TEP1: variants seen among roughly 807,000 people sequenced by gnomAD.
The protein encoded by TEP1 is telomerase associated protein 1.
In TEP1, 241 loss-of-function variants were observed where a neutral mutation model predicts 306.3. The ratio of observed to expected loss-of-function variants is 0.79; its 90% CI spans 0.71 to 0.88. The LOEUF is 0.88. Ranked by LOEUF, TEP1 falls within the 40% of genes least tolerant of loss-of-function variation. The pLI, the probability that TEP1 is intolerant of heterozygous loss-of-function variation, is 0.00. For missense variants in TEP1, 3,051 were observed against 3,276.1 expected, an observed-to-expected ratio of 0.93 and a Z score of 1.68; for synonymous variants, 1,289 against 1,305.5, an observed-to-expected ratio of 0.99 and a Z score of 0.27.
chr14:20,372,443 T>C (rs1185980783), intron 49 of TEP1, among the ~76,000 whole-genome samples: 1 of 151,712 alleles, frequency 6.6e-6, no homozygotes, highest in Admixed American at 6.6e-5. Context: ...TCAGTCTGAA[T>C]AGTGCTGCTG....
intron 18 of TEP1, among the ~76,000 whole-genome samples, chr14:20,387,551 C>CAAAAAAAAAAAAAAAAAAAA (rs34816712): frequency 1.1e-4 from 14 of 127,674 alleles, no homozygotes; most frequent in South Asian, 5.6e-4. Flanking sequence ...GACTCCGTCT[C>CAAAAAAAAAAAAAAAAAAAA]AAAAAAAAAA....
chr14:20,383,877 C>A lies in TEP1; in HGVS notation c.3576G>T (p.Lys1192Asn). The stretch of plus-strand genomic sequence containing the variant: ...AGTGGAAGAAGACTAATGATGCCAC[C>A]TTGGCCCCATCAGGAGCCTGCAGGG... ...VSALQAPDGAKVASLVFFHFS... is the reference protein window; with the variant it reads ...VSALQAPDGANVASLVFFHFS... Residue 1192 changes from lysine to asparagine, a missense_variant, in exon 25 of 55, where the codon AAG becomes AAT. This residue lies in a region of TEP1 where 1,507 missense variants were observed against 1,550.5 expected (regional missense o/e 0.97). Coordinates refer to ENST00000262715, the MANE Select transcript of TEP1 (RefSeq NM_007110.5). 2 of 1,601,814 alleles carry A rather than the reference C, an allele frequency of 1.2e-6. No individual in the cohort carries two copies. Among genetic ancestry groups the A allele is most frequent in the Non-Finnish European group, 8.5e-7 (1 of 1,179,060 alleles).
Position 20,400,761 on chromosome 14 carries a change from C to T in TEP1, c.1549+223G>A, listed in dbSNP as rs564448862. On this transcript the variant is annotated intron_variant, in intron 9 of 54. Coordinates refer to ENST00000262715, the MANE Select transcript of TEP1 (RefSeq NM_007110.5). ...CATATGTTGATAAAAACTTGTACAT[C>T]ACCTAACTACATCTGGTATAATGAT... 5.5e-6 allele frequency: 3 copies of T among 541,272 alleles called. No homozygotes were observed. In the African/African-American group the frequency reaches 5.7e-5, roughly 10 times the overall value. The allele number at this position is 541,272 out of a possible 1,614,324, so 33.5% of individuals were successfully genotyped here. A position where few individuals can be genotyped will look rare whatever the true frequency, so the allele number is the denominator to read the frequency against.
intron 17 of TEP1, among the ~76,000 whole-genome samples, 175 bp downstream of exon 17, chr14:20,389,063 G>A (rs1189375571): frequency 1.3e-5 from 2 of 151,804 alleles, no homozygotes; most frequent in East Asian, 3.9e-4. Flanking sequence ...CAGGAGGATC[G>A]CTTGAACCCA....
chr14:20,382,493 C>T (rs1876663776), intron 28 of TEP1, 130 bp downstream of exon 28: 24 of 1,523,988 alleles, frequency 1.6e-5, no homozygotes, highest in African/African-American at 6.8e-5. Context: ...GGAAGTGAGG[C>T]GAGGTATGAG....
At chr14:20,395,361 A>G (rs1878107435) in intron 12 of TEP1, 89 bp downstream of exon 12, 4 of 1,371,200 alleles carry the variant, frequency 2.9e-6, no homozygotes, top group Non-Finnish European at 3.9e-6. Context: ...ACCTTTACAG[A>G]AAAACAGTTG....
In TEP1 at chr14:20,369,527, G is replaced by A; in HGVS notation, c.7473C>T (p.Ala2491=). 1.2e-6 allele frequency: 2 copies of A among 1,614,068 alleles called. No homozygotes were observed. The highest frequency in any genetic ancestry group is 1.7e-6 in the Non-Finnish European group (2 of 1,180,026). The change falls in exon 53 of 55, where the codon GCC becomes GCT. Residue 2491 remains alanine (A), a synonymous_variant. Transcript: ENST00000262715. ...ASSDGILWNL[A]KCSPEGEWTT... ...TCCATTCTCCTTCTGGGCTGCATTTGGCCAGGTTCCATAGGATCCCATCAG... is the reference window on the plus strand; with the variant it reads ...TCCATTCTCCTTCTGGGCTGCATTTAGCCAGGTTCCATAGGATCCCATCAG...
Position 20,367,921 on chromosome 14 carries a change from TTC to T in TEP1, c.*514_*515del, listed in dbSNP as rs1884572702. On this transcript the variant is annotated 3_prime_UTR_variant, in exon 55 of 55. Coordinates refer to ENST00000262715, the MANE Select transcript of TEP1 (RefSeq NM_007110.5). ...ACCATGCCCGGCCTCCTCTGGGTAG[TTC>T]TGAGAAAAGGGCTGTCTCTGTGACA... 6.5e-6 allele frequency: 1 copy of T among 154,416 alleles called. No individual in the cohort carries two copies. The highest frequency in any genetic ancestry group is 1.4e-5 in the Non-Finnish European group (1 of 69,464). The allele number at this position is 154,416 out of a possible 1,614,324, so 9.6% of individuals were successfully genotyped here.
chr14:20,410,710 G>A (rs922938645), intron 1 of TEP1, among the ~76,000 whole-genome samples: 1 of 150,088 alleles, frequency 6.7e-6, no homozygotes, highest in African/African-American at 2.4e-5. Flanking sequence ...AAAGTGCTGG[G>A]ATTACAGGTG....
chr14:20,386,813 C>T (rs1430232854), intron 18 of TEP1, among the ~76,000 whole-genome samples, 190 bp from the exon 19 acceptor site: 1 of 152,174 alleles, frequency 6.6e-6, no homozygotes, highest in Non-Finnish European at 1.5e-5. Flanking sequence ...TTAATGCCCA[C>T]TTGCTATTTC....
intron 9 of TEP1, among the ~76,000 whole-genome samples, chr14:20,399,097 T>A (rs1878453092): frequency 6.6e-6 from 1 of 152,186 alleles, no homozygotes; most frequent in South Asian, 2.1e-4. Context: ...TTCACCATGT[T>A]GCTCAGGCTG....
At chr14:20,379,258 G>A (rs1392568882) in intron 35 of TEP1, among the ~76,000 whole-genome samples, 153 bp from the exon 36 acceptor site, 1 of 152,222 alleles carries the variant, frequency 6.6e-6, no homozygotes, top group Non-Finnish European at 1.5e-5. Context: ...TCAAGTGGGG[G>A]CCTCGTGATC....
chr14:20,409,938 C>T (rs1256186754), intron 1 of TEP1, among the ~76,000 whole-genome samples: 5 of 141,452 alleles, frequency 3.5e-5, no homozygotes, highest in South Asian at 2.3e-4. Flanking sequence ...AGGAGAATGG[C>T]GTGAACCAGG....
At chr14:20,391,810 T>C in intron 12 of TEP1, 43 bp from the exon 13 acceptor site, 1 of 1,602,986 alleles carries the variant, frequency 6.2e-7, no homozygotes, top group Non-Finnish European at 8.5e-7. Context: ...CAGGGACTTA[T>C]CTGCCCCTTA....
intron 16 of TEP1, 70 bp from the exon 17 acceptor site, chr14:20,389,367 T>A (rs546062311): frequency 6.4e-7 from 1 of 1,566,990 alleles, no homozygotes; most frequent in East Asian, 2.2e-5. Context: ...CCCACTAACA[T>A]CCCAAGATGA....
At chr14:20,387,059 C>T (rs914506283) in intron 18 of TEP1, among the ~76,000 whole-genome samples, 1 of 151,426 alleles carries the variant, frequency 6.6e-6, no homozygotes, top group Non-Finnish European at 1.5e-5. Context: ...CTCAGCCTCC[C>T]CAGTAACTGG....
rs1325523303 is a variant in TEP1, at chr14:20,373,136, T to C, written c.6826A>G (p.Ile2276Val). 1.2e-6 allele frequency: 2 copies of C among 1,614,236 alleles called. No individual in the cohort carries two copies. The highest frequency in any genetic ancestry group is 1.7e-6 in the Non-Finnish European group (2 of 1,180,044). ...GTGACGGCTGCAGAACTCCTTGGTA[T>C]ACATGTGTCATCTGGAGGAGAAAGG... ...QVPKEADDTC[I>V]PRSSAAVTAV... Residue 2276 changes from isoleucine (I) to valine (V), a missense_variant, in exon 48 of 55, where the codon ATA becomes GTA. By Grantham distance (29) the Ile-to-Val change is conservative. Coordinates refer to ENST00000262715, the MANE Select transcript of TEP1 (RefSeq NM_007110.5).
In TEP1 at chr14:20,380,222, G is replaced by A. The variant is rs749678385; in HGVS notation, c.5003+13C>T. On this transcript the variant is annotated intron_variant, in intron 34 of 54. Coordinates refer to ENST00000262715, the MANE Select transcript of TEP1 (RefSeq NM_007110.5). The stretch of plus-strand genomic sequence containing the variant: ...TCTGGTGGGCTTACTAGGGTCTGGG[G>A]TCAAGGTCTTACCTTTGCTGATTTT... 6.2e-7 allele frequency: 1 copy of A among 1,611,198 alleles called. No individual in the cohort carries two copies. The highest frequency in any genetic ancestry group is 8.5e-7 in the Non-Finnish European group (1 of 1,177,734).
Position 20,401,016 on chromosome 14 carries a change from C to T in TEP1, c.1517G>A (p.Gly506Glu), listed in dbSNP as rs550426965. The T allele has an allele frequency of 3.1e-5, 50 of 1,614,172 alleles. No homozygotes were observed. In the African/African-American group the frequency reaches 5.9e-4, roughly 19 times the overall value. Residue 506 changes from glycine to glutamate, a missense_variant, in exon 9 of 55, where the codon GGG becomes GAG. Transcript: ENST00000262715. ...TTCCTCCCAGACCGACGCTTTGTTCCCCCGTAGGCTCAGCTCCCGCTCCCA... is the reference window on the plus strand; with the variant it reads ...TTCCTCCCAGACCGACGCTTTGTTCTCCCGTAGGCTCAGCTCCCGCTCCCA... ...ETWERELSLR[G>E]NKASVWEELI...
Sources: gnomAD v4.1 joint callset for allele counts (sites outside exome capture counted in the v4.1 genomes callset) on GRCh38, gnomAD v4.1.1 for gene constraint, gnomAD v4.1.1 regional missense constraint, MANE v1.5 for transcripts, NCBI Gene and HGNC (gene_info 2026-07-23, HGNC 2026-07-21) for gene names.